Variants in ANKRD44 observed in about 807,000 individuals in gnomAD.
ANKRD44 encodes serine/threonine-protein phosphatase 6 regulatory ankyrin repeat subunit B.
Under a neutral mutation model 116.0 loss-of-function variants are expected in ANKRD44, and 35 were observed. The ratio of observed to expected loss-of-function variants is 0.30; its 90% CI spans 0.23 to 0.40. The LOEUF (loss-of-function observed/expected upper bound fraction) is 0.40, where lower values mean the gene tolerates loss of function less well. Ranked by LOEUF, ANKRD44 falls within the 10% of genes least tolerant of loss-of-function variation. The pLI is 1.00. For synonymous variants in ANKRD44, 435 were observed against 461.8 expected, an observed-to-expected ratio of 0.94 and a Z score of 0.74; for missense variants, 1,014 against 1,242.6, an observed-to-expected ratio of 0.82 and a Z score of 2.77.
rs1553489118 is a variant in ANKRD44, at chr2:197,026,048, A to AAAAC, written c.1651-782_1651-781insGTTT. ...AGAGAAGGGGGAGATAAAAAGAAACAAAAAAAAAAAAAACACCTTTCTGGG... is the reference window on the plus strand; with the variant it reads ...AGAGAAGGGGGAGATAAAAAGAAACAAAACAAAAAAAAAAAAACACCTTTCTGGG... On this transcript the variant is annotated intron_variant, in intron 16 of 27. Transcript: ENST00000282272. 8.6e-4 allele frequency among the ~76,000 whole-genome samples: 7 copies of AAAAC among 8,176 alleles called. No individual in the cohort carries two copies. In the East Asian group the frequency reaches 0.057, roughly 66 times the overall value. The allele number at this position is 8,176 out of a possible 152,430, so 5.4% of individuals were successfully genotyped here.
chr2:197,023,190 T>A (rs1365368544), intron 17 of ANKRD44, among the ~76,000 whole-genome samples: 2 of 152,240 alleles, frequency 1.3e-5, no homozygotes. Flanking sequence ...CATTAACTCA[T>A]GCCATCTCCA....
At chr2:197,208,298 T>G (rs1331616495) in intron 1 of ANKRD44, among the ~76,000 whole-genome samples, 1 of 152,192 alleles carries the variant, frequency 6.6e-6, no homozygotes, top group Admixed American at 6.5e-5. Flanking sequence ...TGGTAGTTTC[T>G]TCTTAGTTCT....
chr2:197,160,922 C>T (rs1039761889), intron 2 of ANKRD44, among the ~76,000 whole-genome samples: 1 of 152,170 alleles, frequency 6.6e-6, no homozygotes, highest in African/African-American at 2.4e-5. Flanking sequence ...GCCAAGACTC[C>T]TATGTTATCA....
At chr2:197,090,250 C>T (rs2125176360) in intron 10 of ANKRD44, among the ~76,000 whole-genome samples, 1 of 152,190 alleles carries the variant, frequency 6.6e-6, no homozygotes, top group South Asian at 2.1e-4. Context: ...AATTAAAAGC[C>T]CATTACCATA....
chr2:197,089,986 C>CAA lies in ANKRD44; in HGVS notation c.1146_1147insTT (p.Ala383LeufsTer17). 6.2e-7 allele frequency: 1 copy of CAA among 1,614,030 alleles called. No individual in the cohort carries two copies. Among genetic ancestry groups the CAA allele is most frequent in the Non-Finnish European group, 8.5e-7 (1 of 1,179,958 alleles). On this transcript the variant is annotated frameshift_variant, in exon 11 of 28. Coordinates refer to ENST00000282272, the MANE Select transcript of ANKRD44 (RefSeq NM_001195144.2). LOFTEE classifies it high-confidence loss of function. Reference sequence around the variant, plus strand: ...AACTTTCTGCAGCAGTCAGAGTGAGCATTTAGGGCAGCTAAATGTAAAGGG... The same window carrying CAA: ...AACTTTCTGCAGCAGTCAGAGTGAGCAAATTTAGGGCAGCTAAATGTAAAGGG...
intron 4 of ANKRD44, among the ~76,000 whole-genome samples, chr2:197,133,666 T>C (rs1574518587): frequency 6.6e-6 from 1 of 152,226 alleles, no homozygotes; most frequent in South Asian, 2.1e-4. Flanking sequence ...GCTGAAACCA[T>C]ATATCCATCT....
chr2:196,977,350 G>GA (rs2075767898), intron 21 of ANKRD44, among the ~76,000 whole-genome samples: 1 of 150,902 alleles, frequency 6.6e-6, no homozygotes, highest in Admixed American at 6.6e-5. Context: ...TGGTTTTCTA[G>GA]ATATGACACC....
In ANKRD44 at chr2:196,977,164, A is replaced by G. The variant is rs374595387; in HGVS notation, c.2369-9718T>C. The stretch of plus-strand genomic sequence containing the variant: ...ACTGAAAACTAGAAAGCACTGTTGA[A>G]AGAAAGACTTAAAATAAATGGAGAG... On this transcript the variant is annotated intron_variant, in intron 21 of 21. Transcript: ENST00000424317. Among the ~76,000 whole-genome samples the G allele has an allele frequency of 5.7e-4, 87 of 152,348 alleles. 1 individual carries two copies. Among genetic ancestry groups the G allele is most frequent in the African/African-American group, 1.3e-3 (53 of 41,580 alleles).
chr2:197,263,348 C>A, intron 1 of ANKRD44: 1 of 633,472 alleles, frequency 1.6e-6, no homozygotes, highest in South Asian at 1.6e-5. Flanking sequence ...GGCTGGGGCG[C>A]CACAGTTGGG....
In ANKRD44 at chr2:197,168,812, T is replaced by C. The variant is rs530453239; in HGVS notation, c.111+18211A>G. Among the ~76,000 whole-genome samples, 35 of 152,284 alleles carry C rather than the reference T, an allele frequency of 2.3e-4. No individual in the cohort carries two copies. In the South Asian group the frequency reaches 6.4e-3, roughly 28 times the overall value. ...TAGAGGTTAGAAGTACCGTAATCCA[T>C]GTGAGTGGCGCCCCCTAGAGCTCAT... On this transcript the variant is annotated intron_variant, in intron 2 of 27. Transcript: ENST00000282272.
chr2:197,063,449 C>T (rs529404510), intron 16 of ANKRD44, among the ~76,000 whole-genome samples: 15 of 152,264 alleles, frequency 9.9e-5, no homozygotes, highest in South Asian at 8.3e-4. Context: ...CAAAGCTGGA[C>T]GGAGAACGAC....
intron 1 of ANKRD44, 45 bp downstream of exon 1, chr2:197,310,511 TCCCCCCGCCGGGCTCCGCGCCG>T: frequency 1.0e-6 from 1 of 981,924 alleles, no homozygotes; most frequent in Non-Finnish European, 1.2e-6. Flanking sequence ...CGCGCCCCCA[TCCCCCCGCCGGGCTCCGCGCCG>T]CCCCGCGCCC....
chr2:197,227,651 G>A (rs950952308), intron 1 of ANKRD44, among the ~76,000 whole-genome samples: 1 of 151,976 alleles, frequency 6.6e-6, no homozygotes, highest in Non-Finnish European at 1.5e-5. Flanking sequence ...CAGCTGACTT[G>A]TGAGAATAAG....
At chr2:197,274,343 C>T (rs976588905) in intron 1 of ANKRD44, among the ~76,000 whole-genome samples, 5 of 152,148 alleles carry the variant, frequency 3.3e-5, no homozygotes, top group African/African-American at 1.2e-4. Flanking sequence ...AAGCCTATGG[C>T]AGACTGAAAT....
chr2:197,232,069 T>C (rs929674130), intron 1 of ANKRD44, among the ~76,000 whole-genome samples: 5 of 152,228 alleles, frequency 3.3e-5, no homozygotes, highest in African/African-American at 1.2e-4. Context: ...CAAGACTTGC[T>C]ATTCTGAATG....
intron 18 of ANKRD44, 124 bp downstream of exon 18, chr2:197,013,387 C>T: frequency 9.3e-7 from 1 of 1,073,780 alleles, no homozygotes; most frequent in Non-Finnish European, 1.4e-6. Flanking sequence ...TGTGGAAGTG[C>T]ATCTGATGTG....
intron 16 of ANKRD44, among the ~76,000 whole-genome samples, chr2:197,039,855 T>G (rs954242647): frequency 6.6e-6 from 1 of 152,130 alleles, no homozygotes; most frequent in Non-Finnish European, 1.5e-5. Context: ...ATAGATTCCC[T>G]ATTGTTAAGA....
At chr2:197,150,810 C>A (rs2079626326) in intron 2 of ANKRD44, among the ~76,000 whole-genome samples, 2 of 151,978 alleles carry the variant, frequency 1.3e-5, no homozygotes, top group South Asian at 2.1e-4. Flanking sequence ...CACTTGCAGG[C>A]AGTGAGAGAT....
chr2:197,131,857 T>C (rs2079104848), intron 4 of ANKRD44, among the ~76,000 whole-genome samples: 2 of 152,194 alleles, frequency 1.3e-5, no homozygotes, highest in Admixed American at 6.5e-5. Flanking sequence ...TGCGTTAGAC[T>C]TTCTGGGTTT....
Sources: allele counts gnomAD v4.1 joint callset (sites outside exome capture counted in the v4.1 genomes callset), GRCh38; gene constraint gnomAD v4.1.1; transcripts MANE v1.5; gene names NCBI Gene and HGNC (gene_info 2026-07-23, HGNC 2026-07-21).